Variants in PTGR3 observed in about 807,000 individuals in gnomAD.
PTGR3 encodes zinc binding alcohol dehydrogenase domain containing 2.
chr18:75,207,069 A>G, the PTGR3 span, among the ~76,000 whole-genome samples: 3 of 152,222 alleles, frequency 2.0e-5, no homozygotes, highest in African/African-American at 7.2e-5. Context: ...CACAGAGTTT[A>G]TTAACACTCG....
the PTGR3 span, among the ~76,000 whole-genome samples, chr18:75,204,811 G>C: frequency 6.6e-6 from 1 of 152,128 alleles, no homozygotes; most frequent in African/African-American, 2.4e-5. Flanking sequence ...CTTCGTCCCA[G>C]CGCCGGCCGC....
chr18:75,204,259 C>A, the PTGR3 span, among the ~76,000 whole-genome samples: 2 of 152,164 alleles, frequency 1.3e-5, no homozygotes, highest in Admixed American at 1.3e-4. Context: ...TGCAACCCCC[C>A]CTCTCCCCGC....
chr18:75,207,688 A>C, the PTGR3 span, among the ~76,000 whole-genome samples: 1 of 146,872 alleles, frequency 6.8e-6, no homozygotes, highest in Admixed American at 7.1e-5. Context: ...TTATATCGTG[A>C]TCAGCATTCT....
chr18:75,208,553 GC>G, the PTGR3 span: 29 of 1,090,420 alleles, frequency 2.7e-5, no homozygotes, highest in Admixed American at 5.1e-5. Context: ...TATTTCGGGA[GC>G]GGGAGGGGGA....
At chr18:75,206,566 C>T in the PTGR3 span, among the ~76,000 whole-genome samples, 1 of 152,222 alleles carries the variant, frequency 6.6e-6, no homozygotes, top group Non-Finnish European at 1.5e-5. Context: ...GTCACATCCA[C>T]TGACACTGTT....
chr18:75,201,886 T>C, the PTGR3 span: 4 of 1,614,086 alleles, frequency 2.5e-6, no homozygotes, highest in Middle Eastern at 1.6e-4. Flanking sequence ...TTATAGTTGA[T>C]AGGACGATCA....
chr18:75,205,420 A>C, the PTGR3 span: 1 of 985,150 alleles, frequency 1.0e-6, no homozygotes. Context: ...TGAGCGCAGG[A>C]TTCTAGTAAT....
the PTGR3 span, chr18:75,198,997 TAAA>T: frequency 2.0e-5 from 3 of 152,434 alleles, no homozygotes; most frequent in African/African-American, 7.2e-5. Flanking sequence ...TTCAAAAGAA[TAAA>T]AAAAAGTTTA....
At chr18:75,205,481 A>C in the PTGR3 span, 1 of 985,514 alleles carries the variant, frequency 1.0e-6, no homozygotes. Flanking sequence ...CCCAGGAAAA[A>C]AGAATAGGAC....
the PTGR3 span, chr18:75,208,783 AGCGGC>A: frequency 1.2e-4 from 160 of 1,299,092 alleles, no homozygotes; most frequent in African/African-American, 2.1e-4. Flanking sequence ...GGACTGCGGG[AGCGGC>A]GCGGCGCGGC....
At chr18:75,202,718 A>ATT in the PTGR3 span, among the ~76,000 whole-genome samples, 1 of 152,072 alleles carries the variant, frequency 6.6e-6, no homozygotes, top group East Asian at 1.9e-4. Context: ...GGAAATCCTC[A>ATT]TTATATATAA....
the PTGR3 span, chr18:75,198,554 G>A: frequency 6.6e-6 from 1 of 151,620 alleles, no homozygotes; most frequent in South Asian, 2.1e-4. Context: ...TCAGTTAACA[G>A]CAGTAGTCAT....
At chr18:75,205,746 AG>A in the PTGR3 span, among the ~76,000 whole-genome samples, 1 of 149,814 alleles carries the variant, frequency 6.7e-6, no homozygotes. Context: ...AAGAAAGAAA[AG>A]AAAAAGAAAG....
the PTGR3 span, chr18:75,195,121 A>AT: frequency 6.6e-6 from 1 of 152,174 alleles, no homozygotes; most frequent in African/African-American, 2.4e-5. Flanking sequence ...TCTCTATTTG[A>AT]TTTTCTTTAT....
chr18:75,204,466 G>C, the PTGR3 span, among the ~76,000 whole-genome samples: 1 of 152,198 alleles, frequency 6.6e-6, no homozygotes. Flanking sequence ...AGGGGCCTTT[G>C]CTTGAAAAAC....
the PTGR3 span, chr18:75,208,387 G>A: frequency 1.0e-6 from 1 of 988,426 alleles, no homozygotes; most frequent in Non-Finnish European, 1.2e-6. Flanking sequence ...AAGCCAGCCG[G>A]GTCCCAGCCT....
chr18:75,208,324 C>T, the PTGR3 span: 2 of 986,306 alleles, frequency 2.0e-6, no homozygotes, highest in Non-Finnish European at 1.2e-6. Flanking sequence ...CCCACACATC[C>T]AACGACAGGC....
At chr18:75,197,953 A>C in the PTGR3 span, 1 of 152,232 alleles carries the variant, frequency 6.6e-6, no homozygotes, top group Non-Finnish European at 1.5e-5. Context: ...ACTTTTATGT[A>C]AATCTGAAAT....
the PTGR3 span, among the ~76,000 whole-genome samples, chr18:75,207,461 T>C: frequency 6.6e-6 from 1 of 152,286 alleles, no homozygotes; most frequent in South Asian, 2.1e-4. Context: ...CTCAAGCCCT[T>C]CTTTTTAGCT....
Sources: allele counts gnomAD v4.1 joint callset (sites outside exome capture counted in the v4.1 genomes callset), GRCh38; gene constraint gnomAD v4.1.1; transcripts MANE v1.5; gene names NCBI Gene and HGNC (gene_info 2026-07-23, HGNC 2026-07-21).